Variants in PARM1 observed in about 807,000 individuals in gnomAD.
The protein encoded by PARM1 is prostate androgen-regulated mucin-like protein 1.
In PARM1, 14 loss-of-function variants were observed where a neutral mutation model predicts 24.6. The ratio of observed to expected loss-of-function variants is 0.57; its 90% CI spans 0.38 to 0.89. PARM1 has a LOEUF of 0.89. Among genes scored for constraint, PARM1 ranks in the 40% least tolerant of loss-of-function variants. PARM1 has a pLI of 0.00. For synonymous variants in PARM1, 179 were observed against 156.6 expected, an observed-to-expected ratio of 1.14 and a Z score of -1.07; for missense variants, 362 against 380.4, an observed-to-expected ratio of 0.95 and a Z score of 0.40.
At chr4:75,020,908 G>T (rs1175921112) in intron 2 of PARM1, among the ~76,000 whole-genome samples, 1 of 152,196 alleles carries the variant, frequency 6.6e-6, no homozygotes, top group African/African-American at 2.4e-5. Flanking sequence ...CCCCTGTCCA[G>T]TGTTGGCCTC....
At chr4:74,998,374 C>T (rs1578044585) in intron 1 of PARM1, among the ~76,000 whole-genome samples, 1 of 150,640 alleles carries the variant, frequency 6.6e-6, no homozygotes, top group African/African-American at 2.5e-5. Context: ...ATAGGAGAGT[C>T]TGGACTTTTA....
At chr4:75,022,552 C>T (rs1396971485) in intron 2 of PARM1, among the ~76,000 whole-genome samples, 1 of 152,164 alleles carries the variant, frequency 6.6e-6, no homozygotes, top group Non-Finnish European at 1.5e-5. Flanking sequence ...CCTTTTATTA[C>T]ATTTGGAAAG....
intron 2 of PARM1, among the ~76,000 whole-genome samples, chr4:75,031,652 A>T (rs371001809): frequency 2.0e-5 from 3 of 152,234 alleles, no homozygotes; most frequent in Non-Finnish European, 4.4e-5. Flanking sequence ...AAAGTTAGAG[A>T]AGAATCTTTG....
At chr4:75,002,434 T>TA (rs1444585719) in intron 1 of PARM1, among the ~76,000 whole-genome samples, 1 of 152,148 alleles carries the variant, frequency 6.6e-6, no homozygotes, top group Non-Finnish European at 1.5e-5. Context: ...AAAGACTTTT[T>TA]ATCTTTTTAG....
intron 3 of PARM1, 80 bp from the exon 4 acceptor site, chr4:75,046,083 A>G: frequency 1.2e-6 from 1 of 863,046 alleles, no homozygotes; most frequent in Non-Finnish European, 1.9e-6. Context: ...AAGCATCCCC[A>G]GTTCAGTGCA....
chr4:74,972,373 C>T (rs1722055427), intron 1 of PARM1, among the ~76,000 whole-genome samples: 2 of 152,168 alleles, frequency 1.3e-5, no homozygotes, highest in South Asian at 2.1e-4. Context: ...GTTTTGAAAC[C>T]GCTTTCTGTT....
At chr4:74,952,136 G>A (rs1271132285) in intron 1 of PARM1, among the ~76,000 whole-genome samples, 6 of 152,162 alleles carry the variant, frequency 3.9e-5, no homozygotes, top group African/African-American at 1.4e-4. Flanking sequence ...CATTCTAACT[G>A]GCATGAGATG....
intron 3 of PARM1, 137 bp downstream of exon 3, chr4:75,034,098 G>T: frequency 1.5e-6 from 1 of 687,188 alleles, no homozygotes; most frequent in Non-Finnish European, 2.5e-6. Flanking sequence ...AAAAATGGCG[G>T]GTGTACTCCT....
intron 1 of PARM1, among the ~76,000 whole-genome samples, chr4:75,011,859 G>C (rs11945052): frequency 0.6 from 91,246 of 151,916 alleles, 27,550 homozygotes; most frequent in African/African-American, 0.65. Context: ...TCCCAGCCAG[G>C]AGGTCCATAT....
chr4:75,030,570 T>C (rs1318335416), intron 2 of PARM1, among the ~76,000 whole-genome samples: 8 of 152,216 alleles, frequency 5.3e-5, no homozygotes, highest in Admixed American at 3.9e-4. Flanking sequence ...TCACCAGCCC[T>C]CTGGATAGGC....
chr4:75,012,475 C>A lies in PARM1; in HGVS notation c.94C>A (p.Pro32Thr). ...ATCAGCTCCTTTGTCTGTTTCTCTT[C>A]CGACAAACATTGTACCACCGACCAC... ...PTSAPLSVSL[P>T]TNIVPPTTIW... Residue 32 changes from proline (P) to threonine (T), a missense_variant, in exon 2 of 4, where the codon CCG (proline) becomes ACG (threonine). By Grantham distance (38) the Pro-to-Thr change is conservative (BLOSUM62 -1). Transcript: ENST00000307428. The A allele has an allele frequency of 6.2e-7, 1 of 1,613,880 alleles. No homozygotes were observed. The highest frequency in any genetic ancestry group is 8.5e-7 in the Non-Finnish European group (1 of 1,179,842).
At chr4:75,033,984 A>G in intron 3 of PARM1, 23 bp downstream of exon 3, 1 of 1,565,104 alleles carries the variant, frequency 6.4e-7, no homozygotes, top group Non-Finnish European at 8.7e-7. Flanking sequence ...TTACTCTTAA[A>G]AAAAAGGGAT....
chr4:74,991,925 A>G (rs1722481334), intron 1 of PARM1, among the ~76,000 whole-genome samples: 3 of 152,190 alleles, frequency 2.0e-5, no homozygotes, highest in Non-Finnish European at 4.4e-5. Context: ...CTTCTGACCC[A>G]CTGGCTATAA....
At chr4:74,938,448 A>G (rs1187710200) in intron 1 of PARM1, among the ~76,000 whole-genome samples, 2 of 152,218 alleles carry the variant, frequency 1.3e-5, no homozygotes, top group South Asian at 4.1e-4. Flanking sequence ...TGTCTTGTTC[A>G]TAAGATATCA....
Position 74,964,972 on chromosome 4 carries a change from A to G in PARM1, c.43+31602A>G, listed in dbSNP as rs1377645048. Reference sequence around the variant, plus strand: ...GAAAGAGACTGAGACTCAAACAACTAAAGTAAAATAAAATTAGTAAATTTG... The same window carrying G: ...GAAAGAGACTGAGACTCAAACAACTGAAGTAAAATAAAATTAGTAAATTTG... On this transcript the variant is annotated intron_variant, in intron 1 of 3. Transcript: ENST00000307428. Among the ~76,000 whole-genome samples, 6 of 152,316 alleles carry G rather than the reference A, an allele frequency of 3.9e-5. No homozygotes were observed. The East Asian group carries it at 5.8e-4, about 15-fold the overall frequency.
At chr4:74,998,215 T>C (rs190347632) in intron 1 of PARM1, among the ~76,000 whole-genome samples, 1 of 151,688 alleles carries the variant, frequency 6.6e-6, no homozygotes, top group African/African-American at 2.4e-5. Flanking sequence ...CAGTTGGAGG[T>C]TGGTTAACAA....
At chr4:75,026,302 CA>C (rs1723182296) in intron 2 of PARM1, among the ~76,000 whole-genome samples, 1 of 152,190 alleles carries the variant, frequency 6.6e-6, no homozygotes, top group Admixed American at 6.5e-5. Context: ...AAGAGACTTT[CA>C]GTCTAGAGAG....
In PARM1 at chr4:75,046,313, T is replaced by G; in HGVS notation, c.*66T>G. Reference sequence around the variant, plus strand: ...TTTATAAGTGCTTATCCAGTAGAATTAATAAGTACCTGATGCGCATTGAAC... The same window carrying G: ...TTTATAAGTGCTTATCCAGTAGAATGAATAAGTACCTGATGCGCATTGAAC... On this transcript the variant is annotated 3_prime_UTR_variant, in exon 4 of 4. Transcript: ENST00000307428. 1 of 1,061,372 alleles carries G rather than the reference T, an allele frequency of 9.4e-7. No individual in the cohort carries two copies. The highest frequency in any genetic ancestry group is 1.5e-6 in the Non-Finnish European group (1 of 688,438). 65.7% of individuals were successfully genotyped at this position (1,061,372 alleles called of 1,614,324 possible).
chr4:75,028,631 C>A (rs1478590507), intron 2 of PARM1, among the ~76,000 whole-genome samples: 1 of 152,244 alleles, frequency 6.6e-6, no homozygotes, highest in Non-Finnish European at 1.5e-5. Flanking sequence ...TCTAAATAAG[C>A]TGACTGGTGA....
Sources: gnomAD v4.1 joint callset for allele counts (sites outside exome capture counted in the v4.1 genomes callset) on GRCh38, gnomAD v4.1.1 for gene constraint, MANE v1.5 for transcripts, NCBI Gene and HGNC (gene_info 2026-07-23, HGNC 2026-07-21) for gene names.